The following ISM1 variants were observed in gnomAD, a reference collection of about 807,000 sequenced individuals.
The protein encoded by ISM1 is isthmin-1.
ISM1 carries 25 observed loss-of-function variants against 46.3 expected under a neutral mutation model. The ratio of observed to expected loss-of-function variants is 0.54; its 90% CI spans 0.39 to 0.75. The LOEUF (loss-of-function observed/expected upper bound fraction) is 0.75. Among genes scored for constraint, ISM1 ranks in the 30% least tolerant of loss-of-function variants. The probability of loss-of-function intolerance (pLI) is 0.00; values close to 1 mark genes in which losing one functional copy is unlikely to be tolerated. For missense variants in ISM1, 536 were observed against 625.4 expected (o/e 0.86, Z 1.52); for synonymous variants, 255 against 256.7 (o/e 0.99, Z 0.06).
chr20:13,308,229 C>T, the ISM1 span, among the ~76,000 whole-genome samples: 1 of 152,118 alleles, frequency 6.6e-6, no homozygotes, highest in Non-Finnish European at 1.5e-5. Flanking sequence ...ATGAATGGCC[C>T]AGTGGGGGTG....
chr20:13,309,689 C>A, the ISM1 span, among the ~76,000 whole-genome samples: 2 of 152,036 alleles, frequency 1.3e-5, no homozygotes, highest in South Asian at 4.1e-4. Flanking sequence ...ATCTTATATT[C>A]AGAAAATCCT....
intron 1 of ISM1, among the ~76,000 whole-genome samples, chr20:13,266,610 T>C (rs920758309): frequency 2.0e-5 from 3 of 152,206 alleles, no homozygotes; most frequent in Non-Finnish European, 2.9e-5. Context: ...CAAAGACACA[T>C]TGTGGGTAAA....
At position 13,299,033 on chromosome 20, in the gene ISM1, C is replaced by G; in HGVS notation, c.969C>G (p.Pro323=). ...HKVMNDLPSC[P]CSYPTEVAYS... is the part of the protein sequence containing the mutation. ...TGATGAATGACCTGCCCAGCTGCCC[C>G]TGCTCCTACCCCACTGAGGTGGCCT... The change falls in exon 6 of 6, where the codon CCC becomes CCG. Residue 323 remains proline (P), a synonymous_variant. Transcript: ENST00000262487. This position sits in a 1 kb window ranked among gnomAD's most constrained non-coding sequence, Gnocchi z 5.8. The G allele has an allele frequency of 6.2e-7, 1 of 1,613,788 alleles. No individual in the cohort carries two copies. Among genetic ancestry groups the G allele is most frequent in the Non-Finnish European group, 8.5e-7 (1 of 1,179,822 alleles).
chr20:13,311,066 T>C, the ISM1 span, among the ~76,000 whole-genome samples: 1 of 151,996 alleles, frequency 6.6e-6, no homozygotes, highest in Non-Finnish European at 1.5e-5. Flanking sequence ...TGGTGGCGGG[T>C]GCCTGTAATC....
intron 2 of ISM1, among the ~76,000 whole-genome samples, chr20:13,275,246 A>C (rs2040165408): frequency 6.6e-6 from 1 of 152,350 alleles, no homozygotes; most frequent in Non-Finnish European, 1.5e-5. Context: ...TTGCACAGAC[A>C]TATTAACATG....
At chr20:13,252,051 G>A (rs1341748886) in intron 1 of ISM1, among the ~76,000 whole-genome samples, 1 of 152,150 alleles carries the variant, frequency 6.6e-6, no homozygotes, top group Non-Finnish European at 1.5e-5. Context: ...TTCCAGTTGG[G>A]GGCTGTGAGA....
intron 1 of ISM1, among the ~76,000 whole-genome samples, chr20:13,256,846 A>G (rs879338555): frequency 1.3e-5 from 2 of 152,188 alleles, no homozygotes; most frequent in Admixed American, 6.5e-5. Context: ...TTGAAAGCCA[A>G]TCGGTAGAAG....
intron 1 of ISM1, among the ~76,000 whole-genome samples, chr20:13,250,695 G>A (rs7264181): frequency 0.11 from 16,341 of 152,198 alleles, 1,036 homozygotes; most frequent in African/African-American, 0.16. Flanking sequence ...GGTAAGATTC[G>A]TGTCTATCTT....
intron 1 of ISM1, among the ~76,000 whole-genome samples, chr20:13,233,217 A>AT (rs1267645815): frequency 6.6e-6 from 1 of 152,162 alleles, no homozygotes; most frequent in Non-Finnish European, 1.5e-5. Flanking sequence ...GAAACCTGGT[A>AT]TGGATTTTGA....
At chr20:13,318,714 C>T in the ISM1 span, among the ~76,000 whole-genome samples, 8 of 152,018 alleles carry the variant, frequency 5.3e-5, no homozygotes, top group African/African-American at 1.9e-4. Flanking sequence ...AGAAATGAGC[C>T]GTCAAGCCAT....
intron 1 of ISM1, among the ~76,000 whole-genome samples, chr20:13,254,122 A>G (rs1202567940): frequency 6.6e-6 from 1 of 151,168 alleles, no homozygotes; most frequent in Non-Finnish European, 1.5e-5. Flanking sequence ...AATCCCAGCT[A>G]CTTGGGAGAC....
intron 3 of ISM1, among the ~76,000 whole-genome samples, chr20:13,284,926 G>C (rs1377291861): frequency 6.6e-6 from 1 of 152,230 alleles, no homozygotes; most frequent in Non-Finnish European, 1.5e-5. Context: ...TCTGGCAGCT[G>C]TCTAGAGAGT....
chr20:13,284,824 A>AC (rs2040274358), intron 3 of ISM1, among the ~76,000 whole-genome samples: 1 of 152,010 alleles, frequency 6.6e-6, no homozygotes, highest in Non-Finnish European at 1.5e-5. Flanking sequence ...TATGAAAAAA[A>AC]TGTTTGGAAA....
chr20:13,305,606 T>C (rs1363827810), downstream of ISM1, among the ~76,000 whole-genome samples: 4 of 152,206 alleles, frequency 2.6e-5, no homozygotes, highest in Admixed American at 2.0e-4. Flanking sequence ...GGTGGGTATA[T>C]ACAGAAACAT....
At chr20:13,292,271 C>CA (rs1478336041) in intron 4 of ISM1, 103 bp from the exon 5 acceptor site, 6 of 724,620 alleles carry the variant, frequency 8.3e-6, no homozygotes, top group Non-Finnish European at 1.4e-5. Flanking sequence ...GTAATGAATA[C>CA]AAAAAAGGCT....
intron 5 of ISM1, among the ~76,000 whole-genome samples, chr20:13,294,857 A>G (rs909363594): frequency 3.3e-5 from 5 of 152,188 alleles, no homozygotes; most frequent in Non-Finnish European, 5.9e-5. Flanking sequence ...TACAGATGAG[A>G]AAACTGAAGC....
intron 1 of ISM1, among the ~76,000 whole-genome samples, chr20:13,228,044 C>T (rs998351503): frequency 6.7e-6 from 1 of 148,242 alleles, no homozygotes; most frequent in Non-Finnish European, 1.5e-5. Context: ...GTGATCTCAG[C>T]TCACTGCAAC....
chr20:13,301,453 C>T (rs2040457768), downstream of ISM1, among the ~76,000 whole-genome samples: 1 of 152,162 alleles, frequency 6.6e-6, no homozygotes, highest in Non-Finnish European at 1.5e-5. Context: ...CCTCCCAAAG[C>T]ACTGGGATTA....
chr20:13,234,324 A>C (rs895306499), intron 1 of ISM1, among the ~76,000 whole-genome samples: 2 of 152,186 alleles, frequency 1.3e-5, no homozygotes, highest in Admixed American at 1.3e-4. Context: ...GTAGTATTCC[A>C]TGGTATATTT....
Sources: allele counts gnomAD v4.1 joint callset (sites outside exome capture counted in the v4.1 genomes callset), GRCh38; gene constraint gnomAD v4.1.1; non-coding constraint Gnocchi (gnomAD v3.1); transcripts MANE v1.5; gene names NCBI Gene and HGNC (gene_info 2026-07-23, HGNC 2026-07-21).